The following DPP10 variants were observed in gnomAD, a reference collection of about 807,000 sequenced individuals.
DPP10 encodes dipeptidyl peptidase like 10.
Under a neutral mutation model 120.9 loss-of-function variants are expected in DPP10, and 33 were observed. That is an observed-to-expected ratio of 0.27 (90% CI 0.21 to 0.37). The LOEUF (loss-of-function observed/expected upper bound fraction) is 0.37, where lower values mean the gene tolerates loss of function less well. Among genes scored for constraint, DPP10 ranks in the 10% least tolerant of loss-of-function variants. DPP10 has a pLI of 1.00. For synonymous variants in DPP10, 337 were observed against 326.1 expected (o/e 1.03, Z -0.36); for missense variants, 816 against 942.8 (o/e 0.87, Z 1.76).
At chr2:115,808,190 G>C (rs77295700) in intron 19 of DPP10, among the ~76,000 whole-genome samples, 2,916 of 152,260 alleles carry the variant, frequency 0.019, 104 homozygotes, top group African/African-American at 0.066. Context: ...TTGTATGGCC[G>C]TGTAACTATA....
At chr2:115,372,656 A>G (rs763448684) in intron 3 of DPP10, among the ~76,000 whole-genome samples, 3 of 152,204 alleles carry the variant, frequency 2.0e-5, no homozygotes, top group Non-Finnish European at 4.4e-5. Context: ...TGAGAGAAAA[A>G]GATTCTTAAT....
At chr2:115,530,781 A>C (rs374449297) in intron 5 of DPP10, among the ~76,000 whole-genome samples, 1 of 152,128 alleles carries the variant, frequency 6.6e-6, no homozygotes, top group Non-Finnish European at 1.5e-5. Context: ...GAGTTTTACA[A>C]ATTGTTTATG....
chr2:115,109,048 C>A (rs1002828782), intron 1 of DPP10, among the ~76,000 whole-genome samples: 42 of 151,970 alleles, frequency 2.8e-4, no homozygotes, highest in Non-Finnish European at 1.8e-4. Context: ...ATAAACTGAT[C>A]ATTTATAAAG....
intron 1 of DPP10, among the ~76,000 whole-genome samples, chr2:114,510,063 G>C (rs10196995): frequency 0.04 from 6,109 of 152,252 alleles, 406 homozygotes; most frequent in African/African-American, 0.14. Flanking sequence ...AAGCTGGCTA[G>C]GAGGTGATAA....
chr2:115,040,657 G>T (rs183451555), intron 1 of DPP10, among the ~76,000 whole-genome samples: 1 of 152,076 alleles, frequency 6.6e-6, no homozygotes, highest in African/African-American at 2.4e-5. Context: ...GGAGGTGACT[G>T]GATCTTGGGG....
At chr2:114,824,831 A>C in intron 1 of DPP10, among the ~76,000 whole-genome samples, 1 of 152,212 alleles carries the variant, frequency 6.6e-6, no homozygotes, top group East Asian at 1.9e-4. Context: ...AAGTTTCAGA[A>C]GACTAGGAAA....
chr2:114,949,175 G>A (rs1235671338), intron 1 of DPP10, among the ~76,000 whole-genome samples: 4 of 151,866 alleles, frequency 2.6e-5, no homozygotes, highest in East Asian at 1.9e-4. Flanking sequence ...CACCCGCCTC[G>A]GCCTCCCAAA....
At chr2:115,821,035 A>G (rs1687767467) in intron 21 of DPP10, among the ~76,000 whole-genome samples, 1 of 152,114 alleles carries the variant, frequency 6.6e-6, no homozygotes, top group Admixed American at 6.5e-5. Flanking sequence ...TCTTTAAGGA[A>G]TCTCCACACT....
rs185844133 is a variant in DPP10, at chr2:115,817,121, G to A, written c.1950+1392G>A. On this transcript the variant is annotated intron_variant, in intron 21 of 25. Coordinates refer to ENST00000410059, the MANE Select transcript of DPP10 (RefSeq NM_020868.6). The stretch of plus-strand genomic sequence containing the variant: ...AAATTACCCGGGCGTGGTGGCGGGC[G>A]CCTGTAGTCCCAGCTACTCGGGAAG... 9.0e-3 allele frequency among the ~76,000 whole-genome samples: 1,364 copies of A among 151,716 alleles called. 10 individuals are homozygous for A. Among genetic ancestry groups the A allele is most frequent in the Non-Finnish European group, 0.013 (904 of 67,896 alleles).
chr2:115,552,240 T>A (rs1250103234), intron 5 of DPP10, among the ~76,000 whole-genome samples: 1 of 152,152 alleles, frequency 6.6e-6, no homozygotes, highest in Non-Finnish European at 1.5e-5. Flanking sequence ...CCCCTTGGAA[T>A]AACACAGCAT....
intron 1 of DPP10, among the ~76,000 whole-genome samples, chr2:115,209,482 T>C (rs995078668): frequency 6.7e-6 from 1 of 150,116 alleles, no homozygotes; most frequent in Non-Finnish European, 1.5e-5. Context: ...ATGAGACATC[T>C]CAGCATGTGA....
At chr2:114,509,963 C>G (rs1683995751) in intron 1 of DPP10, among the ~76,000 whole-genome samples, 1 of 152,122 alleles carries the variant, frequency 6.6e-6, no homozygotes, top group Non-Finnish European at 1.5e-5. Context: ...ATTTCTGTTT[C>G]TTCTTATGAG....
chr2:114,666,105 A>T (rs1325395377), intron 1 of DPP10, among the ~76,000 whole-genome samples: 1 of 152,202 alleles, frequency 6.6e-6, no homozygotes, highest in Non-Finnish European at 1.5e-5. Flanking sequence ...TTCAGAACTT[A>T]GAGTTTTACC....
At chr2:115,348,086 G>T (rs948392356) in intron 3 of DPP10, among the ~76,000 whole-genome samples, 2 of 152,204 alleles carry the variant, frequency 1.3e-5, no homozygotes, top group East Asian at 3.9e-4. Flanking sequence ...GGCAGAAGGA[G>T]GTCAGATACA....
At chr2:115,408,453 T>G (rs907368242) in intron 3 of DPP10, among the ~76,000 whole-genome samples, 4 of 152,130 alleles carry the variant, frequency 2.6e-5, no homozygotes, top group African/African-American at 9.7e-5. Flanking sequence ...GCCTCCTGTC[T>G]CTGTCACTAT....
Position 115,541,902 on chromosome 2 carries a change from A to G in DPP10, c.441+15930A>G, listed in dbSNP as rs544135657. 1.8e-4 allele frequency among the ~76,000 whole-genome samples: 27 copies of G among 151,978 alleles called. No homozygotes were observed. In the East Asian group the frequency reaches 3.5e-3, roughly 20 times the overall value. Reference sequence around the variant, plus strand: ...TAGGGAGACTTTTATTTTACATTTTATTTCACTTTTACTTACTTTTAAGTA... The same window carrying G: ...TAGGGAGACTTTTATTTTACATTTTGTTTCACTTTTACTTACTTTTAAGTA... On this transcript the variant is annotated intron_variant, in intron 5 of 25. Transcript: ENST00000410059.
In DPP10 at chr2:114,654,818, C is replaced by T. The variant is rs371174379; in HGVS notation, c.60+211980C>T. Among the ~76,000 whole-genome samples the T allele has an allele frequency of 3.3e-5, 5 of 152,056 alleles. No homozygotes were observed. The East Asian group carries it at 7.7e-4, about 23-fold the overall frequency. ...TGGATGTAGTTAAACATGGAAGGCACAACTGGACTAGGGGAATTGGATAAG... is the reference window on the plus strand; with the variant it reads ...TGGATGTAGTTAAACATGGAAGGCATAACTGGACTAGGGGAATTGGATAAG... On this transcript the variant is annotated intron_variant, in intron 1 of 25. Transcript: ENST00000410059.
At chr2:115,561,120 G>A (rs1014798533) in intron 5 of DPP10, among the ~76,000 whole-genome samples, 2 of 152,016 alleles carry the variant, frequency 1.3e-5, no homozygotes, top group African/African-American at 4.8e-5. Context: ...AGGCCAAGGC[G>A]GGTGGATTGT....
At chr2:114,672,962 T>C (rs935385012) in intron 1 of DPP10, among the ~76,000 whole-genome samples, 1 of 152,170 alleles carries the variant, frequency 6.6e-6, no homozygotes, top group African/African-American at 2.4e-5. Flanking sequence ...CCCCATGTTC[T>C]AAGGCCGTCT....
Sources: allele counts gnomAD v4.1 joint callset (sites outside exome capture counted in the v4.1 genomes callset), GRCh38; gene constraint gnomAD v4.1.1; transcripts MANE v1.5; gene names NCBI Gene and HGNC (gene_info 2026-07-23, HGNC 2026-07-21).